Variants in AGRN observed in about 807,000 individuals in gnomAD.
AGRN encodes agrin proteoglycan.
Under a neutral mutation model 211.0 loss-of-function variants are expected in AGRN, and 106 were observed. The observed-to-expected ratio is 0.50, with a 90% CI of 0.43 to 0.59. The LOEUF is 0.59. Among genes scored for constraint, AGRN ranks in the 20% least tolerant of loss-of-function variants. AGRN has a pLI of 0.00. For missense variants in AGRN, 3,040 were observed against 2,982.6 expected, an observed-to-expected ratio of 1.02 and a Z score of -0.45; for synonymous variants, 1,525 against 1,332.5, an observed-to-expected ratio of 1.14 and a Z score of -3.15.
At position 1,045,846 on chromosome 1, in the gene AGRN, C is replaced by A. The variant is rs539990009; in HGVS notation, c.2650C>A (p.Arg884Ser). Residue 884 changes from arginine (R) to serine (S), a missense_variant, in exon 15 of 36, where the codon CGT becomes AGT. By Grantham distance (110) the Arg-to-Ser change is moderately radical. This residue lies in a region of AGRN where 1,498 missense variants were observed against 1,457.8 expected (regional missense o/e 1.03). Transcript: ENST00000379370. ...CAAGTGTGGGCAGTGTCCAGACGGC[C>A]GTGCCCTGGGCCCCGCGGGCTGTGA... ...GPKCGQCPDG[R>S]ALGPAGCEAD... 1 of 1,611,742 alleles carries A rather than the reference C, an allele frequency of 6.2e-7. No homozygotes were observed. Among genetic ancestry groups the A allele is most frequent in the African/African-American group, 1.3e-5 (1 of 75,008 alleles).
rs183632277 is a variant in AGRN, at chr1:1,023,221, C to T, written c.463+759C>T. 2.4e-3 allele frequency among the ~76,000 whole-genome samples: 366 copies of T among 152,302 alleles called. 2 individuals carry two copies. Among genetic ancestry groups the T allele is most frequent in the Admixed American group, 7.1e-3 (108 of 15,306 alleles). Reference sequence around the variant, plus strand: ...GGCAACGGTAAGGGTCCTGACTTCCCGTCTCTCCGATCTGCTCCGTTGGCC... The same window carrying T: ...GGCAACGGTAAGGGTCCTGACTTCCTGTCTCTCCGATCTGCTCCGTTGGCC... On this transcript the variant is annotated intron_variant, in intron 2 of 35. Coordinates refer to ENST00000379370, the MANE Select transcript of AGRN (RefSeq NM_198576.4).
rs552479945 is a variant in AGRN at position 1,045,436 on chromosome 1, G to A, written c.2449G>A (p.Gly817Ser). ...CACAGGCCAGTGCTCCTGCCGCCCA[G>A]GTGTGGGGGGCCTCAGGTGTGACCG... ...PATGQCSCRP[G>S]VGGLRCDRCE... is the part of the protein sequence containing the mutation. The change falls in exon 14 of 36, where the codon GGT becomes AGT. Residue 817 changes from glycine to serine, a missense_variant. Around this residue, in one of 3 missense-constraint regions of AGRN, gnomAD observed 1,498 missense variants for 1,457.8 expected, o/e 1.03. Transcript: ENST00000379370. The A allele has an allele frequency of 4.3e-6, 7 of 1,612,470 alleles. No individual in the cohort carries two copies. The East Asian group carries it at 1.3e-4, about 31-fold the overall frequency.
At chr1:1,043,146 T>A in intron 7 of AGRN, 93 bp from the exon 8 acceptor site, 1 of 1,374,136 alleles carries the variant, frequency 7.3e-7, no homozygotes, top group Non-Finnish European at 1.0e-6. Flanking sequence ...CACCATCCCC[T>A]CCCTGGAAGA....
At position 1,055,459 on chromosome 1, in the gene AGRN, C is replaced by T. The variant is rs13129; in HGVS notation, c.*478C>T. The T allele has an allele frequency of 0.02, 5,574 of 282,218 alleles. 242 individuals are homozygous for T. The highest frequency in any genetic ancestry group is 0.098 in the African/African-American group (4,440 of 45,230). 17.5% of individuals were successfully genotyped at this position (282,218 alleles called of 1,614,324 possible). A position where few individuals can be genotyped will look rare whatever the true frequency, so the allele number is the denominator to read the frequency against. ...TCGGCCTCCTGCGCCAATACTGTGA[C>T]TTCCAAACAATGTTACTGCTGGGCA... On this transcript the variant is annotated 3_prime_UTR_variant, in exon 36 of 36. Transcript: ENST00000379370.
rs1476609395 is a variant in AGRN, at chr1:1,054,537, G to T, written c.5966G>T (p.Gly1989Val). Residue 1989 changes from glycine (G) to valine (V), a missense_variant, in exon 35 of 36, where the codon GGA becomes GTA. Transcript: ENST00000379370. ...GGCGCCACGCAGCTGGACACTGATGGAGCCCTGTGGCTTGGTGAGTGTTTT... is the reference window on the plus strand; with the variant it reads ...GGCGCCACGCAGCTGGACACTGATGTAGCCCTGTGGCTTGGTGAGTGTTTT... Reference protein sequence around the residue: ...PLGATQLDTDGALWLGGLPEL... With the variant: ...PLGATQLDTDVALWLGGLPEL... 1 of 1,598,422 alleles carries T rather than the reference G, an allele frequency of 6.3e-7. No individual in the cohort carries two copies. The highest frequency in any genetic ancestry group is 8.5e-7 in the Non-Finnish European group (1 of 1,173,736).
intron 12 of AGRN, 86 bp downstream of exon 12, chr1:1,044,525 C>T (rs1037836748): frequency 5.2e-6 from 7 of 1,351,462 alleles, no homozygotes; most frequent in South Asian, 2.5e-5. Context: ...CCGTGTGCTG[C>T]GTTGGGCCCC....
chr1:1,049,870 A>G (rs1294951935), intron 26 of AGRN, 33 bp from the exon 27 acceptor site: 34 of 1,609,628 alleles, frequency 2.1e-5, no homozygotes, highest in Non-Finnish European at 2.9e-5. Flanking sequence ...GCCTCCTGGG[A>G]CCTCGGTCCC....
Position 1,046,273 on chromosome 1 carries a change from C to T in AGRN, c.2911+8C>T, listed in dbSNP as rs759626018. 6.2e-7 allele frequency: 1 copy of T among 1,613,178 alleles called. No individual in the cohort carries two copies. Among genetic ancestry groups the T allele is most frequent in the South Asian group, 1.1e-5 (1 of 91,090 alleles). On this transcript the variant is annotated splice_region_variant and intron_variant, in intron 17 of 35. Transcript: ENST00000379370. ...GCCTGGGCCCGTGCCAGGGTGAGGC[C>T]TGACGGCCACTGCCCCAGAACTGAC...
At chr1:1,040,505 C>A (rs1644900905) in intron 3 of AGRN, among the ~76,000 whole-genome samples, 160 bp from the exon 4 acceptor site, 1 of 152,032 alleles carries the variant, frequency 6.6e-6, no homozygotes, top group South Asian at 2.1e-4. Context: ...CAGGGCCGGT[C>A]CTGTGAGCGC....
chr1:1,034,366 A>G, intron 2 of AGRN: 8 of 985,440 alleles, frequency 8.1e-6, no homozygotes, highest in Non-Finnish European at 9.6e-6. Flanking sequence ...TCCTCCCACG[A>G]TGAGCCTGGA....
rs141061406 is a variant in AGRN at position 1,046,482 on chromosome 1, C to A, written c.2997C>A (p.Ala999=). The change falls in exon 18 of 36, where the codon GCC becomes GCA. Residue 999 remains alanine (A), a synonymous_variant. Coordinates refer to ENST00000379370, the MANE Select transcript of AGRN (RefSeq NM_198576.4). ...TCCTCCTGAGCCAGGCACTGCCGGCCCCCCCCGGCGCCCTCCCCCTGGCTC... is the reference window on the plus strand; with the variant it reads ...TCCTCCTGAGCCAGGCACTGCCGGCACCCCCCGGCGCCCTCCCCCTGGCTC... The part of the protein sequence containing the change: ...PGLLLSQALP[A]PPGALPLAPS... The A allele has an allele frequency of 6.7e-5, 108 of 1,610,672 alleles. No individual in the cohort carries two copies. The highest frequency in any genetic ancestry group is 2.1e-4 in the African/African-American group (16 of 74,844).
intron 33 of AGRN, chr1:1,052,294 G>A (rs372470764): frequency 5.1e-5 from 18 of 351,874 alleles, no homozygotes; most frequent in Non-Finnish European, 8.5e-5. Flanking sequence ...GTGCACTTCC[G>A]CGTGTGTGAA....
intron 2 of AGRN, among the ~76,000 whole-genome samples, chr1:1,026,765 G>A (rs1352425429): frequency 6.6e-6 from 1 of 152,186 alleles, no homozygotes; most frequent in East Asian, 1.9e-4. Flanking sequence ...GGAACCCCGG[G>A]GTCCCAGGAG....
rs1645096876 is a variant in AGRN at position 1,046,461 on chromosome 1, C to T, written c.2976C>T (p.Leu992=). Residue 992 remains leucine, a synonymous_variant, in exon 18 of 36, where the codon CTC becomes CTT. Coordinates refer to ENST00000379370, the MANE Select transcript of AGRN (RefSeq NM_198576.4). ...ASVTVTTPGL[L]LSQALPAPPG... is the part of the protein sequence containing the mutation. ...TGACTGTGACCACCCCAGGGCTCCT[C>T]CTGAGCCAGGCACTGCCGGCCCCCC... is the stretch of plus-strand genomic sequence containing the variant. 6.2e-7 allele frequency: 1 copy of T among 1,612,292 alleles called. No individual in the cohort carries two copies. The highest frequency in any genetic ancestry group is 1.3e-5 in the African/African-American group (1 of 75,012).
chr1:1,048,875 G>A lies in AGRN; in HGVS notation c.4114G>A (p.Ala1372Thr), dbSNP rs376441344. Reference protein sequence around the residue: ...GGAVCEKVLGAPVPAFEGRSF... With the variant: ...GGAVCEKVLGTPVPAFEGRSF... The stretch of plus-strand genomic sequence containing the variant: ...CCGGTCGCCCTTTGCAGTGCTTGGC[G>A]CCCCTGTGCCGGCCTTCGAGGGCCG... Residue 1372 changes from alanine (A) to threonine (T), a missense_variant, in exon 24 of 36, where the codon GCC (alanine) becomes ACC (threonine). This residue lies in a region of AGRN where 1,537 missense variants were observed against 1,505.0 expected (regional missense o/e 1.02). Transcript: ENST00000379370. The surrounding 1 kb of genome is among the most constrained non-coding windows in gnomAD (Gnocchi z 5.9). The A allele has an allele frequency of 2.9e-5, 45 of 1,536,662 alleles. No individual in the cohort carries two copies. In the Middle Eastern group the frequency reaches 8.2e-4, roughly 28 times the overall value.
chr1:1,042,058 C>T lies in AGRN; in HGVS notation c.1280C>T (p.Pro427Leu). The T allele has an allele frequency of 6.2e-7, 1 of 1,608,004 alleles. No individual in the cohort carries two copies. The highest frequency in any genetic ancestry group is 8.5e-7 in the Non-Finnish European group (1 of 1,179,504). Reference protein sequence around the residue: ...DRVTCDGAYRPVCAQDGRTYD... With the variant: ...DRVTCDGAYRLVCAQDGRTYD... Reference sequence around the variant, plus strand: ...GTCACCTGTGACGGGGCCTACAGGCCCGTGTGTGCCCAGGACGGGCGCACG... The same window carrying T: ...GTCACCTGTGACGGGGCCTACAGGCTCGTGTGTGCCCAGGACGGGCGCACG... The change falls in exon 7 of 36, where the codon CCC (proline) becomes CTC (leucine). Residue 427 changes from proline to leucine, a missense_variant. Pro to Leu is a moderately conservative substitution (Grantham distance 98). Coordinates refer to ENST00000379370, the MANE Select transcript of AGRN (RefSeq NM_198576.4).
At chr1:1,022,518 G>C in intron 2 of AGRN, 56 bp downstream of exon 2, 1 of 1,558,082 alleles carries the variant, frequency 6.4e-7, no homozygotes. Context: ...GTGGCCAAGG[G>C]GGACAGGTTG....
chr1:1,024,122 C>T (rs1644468050), intron 2 of AGRN, among the ~76,000 whole-genome samples: 1 of 152,072 alleles, frequency 6.6e-6, no homozygotes, highest in South Asian at 2.1e-4. Flanking sequence ...AGCCCAGGAG[C>T]TTCCGGTGGG....
At chr1:1,035,235 C>T in intron 2 of AGRN, 42 bp from the exon 3 acceptor site, 1 of 1,609,416 alleles carries the variant, frequency 6.2e-7, no homozygotes, top group East Asian at 2.2e-5. Context: ...CAGGGAGGAG[C>T]CTGCTCAGAG....
Sources: gnomAD v4.1 joint callset for allele counts (sites outside exome capture counted in the v4.1 genomes callset) on GRCh38, gnomAD v4.1.1 for gene constraint, gnomAD v4.1.1 regional missense constraint, Gnocchi (gnomAD v3.1) non-coding constraint, MANE v1.5 for transcripts, NCBI Gene and HGNC (gene_info 2026-07-23, HGNC 2026-07-21) for gene names.